The following EPHA3 variants were observed in gnomAD, a reference collection of about 807,000 sequenced individuals.
The protein encoded by EPHA3 is EPH receptor A3.
In EPHA3, 42 loss-of-function variants were observed where a neutral mutation model predicts 107.1. That is an observed-to-expected ratio of 0.39 (90% CI 0.31 to 0.51). EPHA3 has a LOEUF of 0.51. EPHA3 is among the 20% of genes least tolerant of loss of function. The probability of loss-of-function intolerance (pLI) is 0.78; values close to 1 mark genes in which losing one functional copy is unlikely to be tolerated. For synonymous variants in EPHA3, 461 were observed against 424.8 expected (o/e 1.09, Z -1.05); for missense variants, 1,183 against 1,211.2 (o/e 0.98, Z 0.35).
chr3:89,272,772 T>C (rs1705705227), intron 3 of EPHA3, among the ~76,000 whole-genome samples: 1 of 151,920 alleles, frequency 6.6e-6, no homozygotes, highest in East Asian at 1.9e-4. Flanking sequence ...AAAGTAACTA[T>C]GGAACACATG....
rs184412656 is a variant in EPHA3 at position 89,359,303 on chromosome 3, T to A, written c.1306+17213T>A. 4.6e-5 allele frequency among the ~76,000 whole-genome samples: 7 copies of A among 151,134 alleles called. No individual in the cohort carries two copies. The East Asian group carries it at 1.2e-3, about 25-fold the overall frequency. On this transcript the variant is annotated intron_variant, in intron 5 of 16. Coordinates refer to ENST00000336596, the MANE Select transcript of EPHA3 (RefSeq NM_005233.6). The stretch of plus-strand genomic sequence containing the variant: ...GTTTTACTAGTTTGCTAATATTTGT[T>A]AAGACATACATGTTTACAAACCTTG...
intron 2 of EPHA3, among the ~76,000 whole-genome samples, chr3:89,155,568 C>G (rs1704784235): frequency 6.6e-6 from 1 of 152,020 alleles, no homozygotes; most frequent in South Asian, 2.1e-4. Context: ...TTCATGGTGG[C>G]TTTTTGATTG....
chr3:89,199,332 TA>T (rs1267401956), intron 2 of EPHA3, among the ~76,000 whole-genome samples: 3 of 152,184 alleles, frequency 2.0e-5, no homozygotes, highest in Admixed American at 6.5e-5. Flanking sequence ...ACATTATAAG[TA>T]AACATATTTC....
At chr3:89,382,659 G>T (rs1185285764) in intron 5 of EPHA3, among the ~76,000 whole-genome samples, 1 of 152,132 alleles carries the variant, frequency 6.6e-6, no homozygotes, top group Non-Finnish European at 1.5e-5. Flanking sequence ...GGTAAACAGA[G>T]TCGGGGTTGG....
At chr3:89,320,744 T>C (rs551721453) in intron 3 of EPHA3, among the ~76,000 whole-genome samples, 2 of 152,206 alleles carry the variant, frequency 1.3e-5, no homozygotes, top group African/African-American at 4.8e-5. Flanking sequence ...CACAAAAATA[T>C]TTGAAAGTCT....
At chr3:89,426,039 C>G (rs1008823974) in intron 11 of EPHA3, among the ~76,000 whole-genome samples, 1 of 151,656 alleles carries the variant, frequency 6.6e-6, no homozygotes, top group African/African-American at 2.4e-5. Flanking sequence ...TTGTTTTGCT[C>G]ATTTTTGATG....
At chr3:89,407,065 A>T (rs1290306822) in intron 7 of EPHA3, among the ~76,000 whole-genome samples, 1 of 152,180 alleles carries the variant, frequency 6.6e-6, no homozygotes, top group Non-Finnish European at 1.5e-5. Flanking sequence ...TTAATTAGGT[A>T]GAAATTTCAA....
rs1708248178 is a variant in EPHA3 at position 89,369,353 on chromosome 3, A to G, written c.1307-26484A>G. On this transcript the variant is annotated intron_variant, in intron 5 of 16. Coordinates refer to ENST00000336596, the MANE Select transcript of EPHA3 (RefSeq NM_005233.6). ...CCCTCAGAAATAATGCCACGTATCT[A>G]CAACTATCTGATCTTTGACAAACCT... is the stretch of plus-strand genomic sequence containing the variant. Among the ~76,000 whole-genome samples, 5 of 150,824 alleles carry G rather than the reference A, an allele frequency of 3.3e-5. 1 individual carries two copies. Among genetic ancestry groups the G allele is most frequent in the Non-Finnish European group, 7.4e-5 (5 of 67,408 alleles).
At chr3:89,392,252 C>A (rs1157374424) in intron 5 of EPHA3, among the ~76,000 whole-genome samples, 1 of 152,054 alleles carries the variant, frequency 6.6e-6, no homozygotes, top group Non-Finnish European at 1.5e-5. Context: ...CCAGCCTTGC[C>A]AACATGCGAA....
intron 1 of EPHA3, among the ~76,000 whole-genome samples, chr3:89,109,552 A>G (rs1294144648): frequency 6.6e-6 from 1 of 151,978 alleles, no homozygotes; most frequent in African/African-American, 2.4e-5. Flanking sequence ...GCTGTTAGTC[A>G]GTATTTTTGT....
Position 89,415,467 on chromosome 3 carries a change from A to AATATAT in EPHA3, c.1888+2221_1888+2226dup, listed in dbSNP as rs71621548. Among the ~76,000 whole-genome samples, 869 of 131,586 alleles carry AATATAT rather than the reference A, an allele frequency of 6.6e-3. 8 individuals carry two copies. Among genetic ancestry groups the AATATAT allele is most frequent in the African/African-American group, 0.015 (555 of 36,034 alleles). The allele number at this position is 131,586 out of a possible 152,430, so 86.3% of individuals were successfully genotyped here. On this transcript the variant is annotated intron_variant, in intron 10 of 16. Transcript: ENST00000336596. ...CAGAGTCAATTAAATTTACAGAAAG[A>AATATAT]ATATATATATATATATATATATATA...
In EPHA3 at chr3:89,209,975, A is replaced by T. The variant is rs1211863735; in HGVS notation, c.269A>T (p.Asn90Ile). The T allele has an allele frequency of 6.2e-7, 1 of 1,613,862 alleles. No individual in the cohort carries two copies. Among genetic ancestry groups the T allele is most frequent in the African/African-American group, 1.3e-5 (1 of 74,920 alleles). Reference sequence around the variant, plus strand: ...CTGAGAACAAACTGGGTCCCCAGGAACTCAGCTCAGAAGATTTATGTGGAG... The same window carrying T: ...CTGAGAACAAACTGGGTCCCCAGGATCTCAGCTCAGAAGATTTATGTGGAG... ...NWLRTNWVPRNSAQKIYVELK... is the reference protein window; with the variant it reads ...NWLRTNWVPRISAQKIYVELK... The change falls in exon 3 of 17, where the codon AAC becomes ATC. Residue 90 changes from asparagine (N) to isoleucine (I), a missense_variant. Asn to Ile is a moderately radical substitution (Grantham distance 149). Transcript: ENST00000336596.
At chr3:89,307,307 G>A (rs1389860418) in intron 3 of EPHA3, among the ~76,000 whole-genome samples, 2 of 152,138 alleles carry the variant, frequency 1.3e-5, no homozygotes, top group Non-Finnish European at 2.9e-5. Context: ...CAAGCGCAGA[G>A]TCTTGGCTAA....
Position 89,395,945 on chromosome 3 carries a change from T to C in EPHA3, c.1415T>C (p.Val472Ala), listed in dbSNP as rs1375857079. The C allele has an allele frequency of 6.2e-7, 1 of 1,613,786 alleles. No individual in the cohort carries two copies. The highest frequency in any genetic ancestry group is 1.7e-5 in the Admixed American group (1 of 59,982). The change falls in exon 6 of 17, where the codon GTC becomes GCC. Residue 472 changes from valine to alanine, a missense_variant. Coordinates refer to ENST00000336596, the MANE Select transcript of EPHA3 (RefSeq NM_005233.6). ...AATGGGATCATATTGGACTACGAGG[T>C]CAAATACTATGAAAAGGTGGGGAAA... is the stretch of plus-strand genomic sequence containing the variant. ...HPNGIILDYE[V>A]KYYEKQEQET...
At position 89,431,295 on chromosome 3, in the gene EPHA3, A is replaced by C; in HGVS notation, c.2282A>C (p.Lys761Thr). 1 of 1,613,382 alleles carries C rather than the reference A, an allele frequency of 6.2e-7. No homozygotes were observed. The highest frequency in any genetic ancestry group is 8.5e-7 in the Non-Finnish European group (1 of 1,179,874). ...TTGATCAACAGTAACTTGGTGTGTA[A>C]GGTTTCTGATTTCGGACTTTCGCGT... is the stretch of plus-strand genomic sequence containing the variant. ...NILINSNLVC[K>T]VSDFGLSRVL... is the part of the protein sequence containing the mutation. Residue 761 changes from lysine to threonine, a missense_variant, in exon 13 of 17, where the codon AAG (lysine) becomes ACG (threonine). Transcript: ENST00000336596.
chr3:89,351,876 C>G (rs1366714779), intron 5 of EPHA3, among the ~76,000 whole-genome samples: 1 of 149,238 alleles, frequency 6.7e-6, no homozygotes, highest in East Asian at 1.9e-4. Context: ...TAATATAGTT[C>G]CCATCCATAA....
chr3:89,367,409 C>T (rs749098214), intron 5 of EPHA3, among the ~76,000 whole-genome samples: 2 of 150,592 alleles, frequency 1.3e-5, no homozygotes, highest in Admixed American at 1.3e-4. Context: ...GTTTCTAGCT[C>T]TGTCACTGCT....
chr3:89,205,560 C>G (rs1326208778), intron 2 of EPHA3, among the ~76,000 whole-genome samples: 1 of 151,962 alleles, frequency 6.6e-6, no homozygotes, highest in African/African-American at 2.4e-5. Context: ...TACAAGGAAC[C>G]CTATGTGGTC....
At chr3:89,151,961 C>G (rs1355194913) in intron 2 of EPHA3, among the ~76,000 whole-genome samples, 1 of 151,946 alleles carries the variant, frequency 6.6e-6, no homozygotes, top group East Asian at 1.9e-4. Flanking sequence ...CAGAAGGCTG[C>G]AGAATAGCTT....
Sources: allele counts gnomAD v4.1 joint callset (sites outside exome capture counted in the v4.1 genomes callset), GRCh38; gene constraint gnomAD v4.1.1; transcripts MANE v1.5; gene names NCBI Gene and HGNC (gene_info 2026-07-23, HGNC 2026-07-21).